TAC3: variants seen among roughly 807,000 people sequenced by gnomAD.
TAC3 encodes tachykinin-3.
TAC3 carries 9 observed loss-of-function variants against 16.5 expected under a neutral mutation model. That is an observed-to-expected ratio of 0.55 (90% CI 0.33 to 0.95). The LOEUF (loss-of-function observed/expected upper bound fraction) is 0.95. Ranked by LOEUF, TAC3 falls within the 40% of genes least tolerant of loss-of-function variation. TAC3 has a pLI of 0.03. For missense variants in TAC3, 129 were observed against 149.1 expected, an observed-to-expected ratio of 0.87 and a Z score of 0.70; for synonymous variants, 52 against 56.7, an observed-to-expected ratio of 0.92 and a Z score of 0.37.
At chr12:57,011,135 GC>G (rs1373889154) in intron 6 of TAC3, among the ~76,000 whole-genome samples, 1 of 152,138 alleles carries the variant, frequency 6.6e-6, no homozygotes, top group Non-Finnish European at 1.5e-5. Context: ...CATGTAATCA[GC>G]AAGTTACAGT....
chr12:57,016,218 C>T (rs1956372101), intron 1 of TAC3, among the ~76,000 whole-genome samples, 169 bp downstream of exon 1: 1 of 152,184 alleles, frequency 6.6e-6, no homozygotes, highest in African/African-American at 2.4e-5. Context: ...AGTCTGTAGC[C>T]ACAGGCTCCA....
chr12:57,013,409 G>A (rs1242494419), intron 3 of TAC3, 21 bp from the exon 4 acceptor site: 1 of 1,614,054 alleles, frequency 6.2e-7, no homozygotes, highest in Non-Finnish European at 8.5e-7. Flanking sequence ...AAGAACAGAT[G>A]TCTAAATGGG....
chr12:57,015,461 C>A (rs1011280832), intron 2 of TAC3, among the ~76,000 whole-genome samples: 1 of 152,164 alleles, frequency 6.6e-6, no homozygotes, highest in Non-Finnish European at 1.5e-5. Flanking sequence ...TGTAGGGCAC[C>A]TTTTATGTAC....
intron 4 of TAC3, 37 bp from the exon 5 acceptor site, chr12:57,012,912 G>A (rs750769857): frequency 6.2e-7 from 1 of 1,613,564 alleles, no homozygotes; most frequent in South Asian, 1.1e-5. Context: ...CAGTGATGAT[G>A]AGAAAGTGAA....
At chr12:57,010,407 G>C (rs1592455290) in intron 6 of TAC3, 119 bp from the exon 7 acceptor site, 2 of 349,498 alleles carry the variant, frequency 5.7e-6, no homozygotes, top group East Asian at 1.5e-4. Context: ...AGGCGTCTGT[G>C]AGAGAGGAAA....
intron 2 of TAC3, among the ~76,000 whole-genome samples, chr12:57,014,240 T>C (rs1344745827): frequency 1.3e-5 from 2 of 152,206 alleles, no homozygotes; most frequent in African/African-American, 2.4e-5. Context: ...TTTTTTTTTT[T>C]TTTAGCAACT....
chr12:57,010,010 A>G lies in TAC3; in HGVS notation c.*280T>C, dbSNP rs1157043476. On this transcript the variant is annotated 3_prime_UTR_variant, in exon 7 of 7. Transcript: ENST00000458521. The stretch of plus-strand genomic sequence containing the variant: ...ACACACACCACATCATTCATATGCA[A>G]AAATCCTTTATTGTTGAGGAATAGA... 2.4e-6 allele frequency: 1 copy of G among 417,602 alleles called. No homozygotes were observed. Among genetic ancestry groups the G allele is most frequent in the Non-Finnish European group, 4.8e-6 (1 of 206,262 alleles). 25.9% of individuals were successfully genotyped at this position (417,602 alleles called of 1,614,324 possible).
chr12:57,012,543 A>G, intron 5 of TAC3, 91 bp from the exon 6 acceptor site: 2 of 1,602,392 alleles, frequency 1.2e-6, no homozygotes, highest in Non-Finnish European at 1.7e-6. Flanking sequence ...TATGACGGGC[A>G]GTGTTCAAAG....
At chr12:57,014,395 C>T (rs915310715) in intron 2 of TAC3, among the ~76,000 whole-genome samples, 9 of 152,174 alleles carry the variant, frequency 5.9e-5, no homozygotes, top group South Asian at 4.1e-4. Context: ...AGGCATCCTT[C>T]GGCTGTTGTG....
intron 4 of TAC3, 102 bp downstream of exon 4, chr12:57,013,257 G>C (rs1956326427): frequency 7.1e-7 from 1 of 1,405,734 alleles, no homozygotes; most frequent in Admixed American, 1.7e-5. Flanking sequence ...CATATTGTTT[G>C]TACCAGGTGA....
chr12:57,012,381 A>G lies in TAC3; in HGVS notation c.364T>C (p.Ter122GlnextTer11). 1 of 1,612,432 alleles carries G rather than the reference A, an allele frequency of 6.2e-7. No individual in the cohort carries two copies. The highest frequency in any genetic ancestry group is 8.5e-7 in the Non-Finnish European group (1 of 1,179,462). ...CTCTCTAATGAACAATCCTTACCCTATTCTGCTCTCGGGGGATACTTGAGG... is the reference window on the plus strand; with the variant it reads ...CTCTCTAATGAACAATCCTTACCCTGTTCTGCTCTCGGGGGATACTTGAGG... Reference protein sequence around the residue: ...GILKYPPRAE* With the variant: ...GILKYPPRAEQ The change falls in exon 6 of 7, where the codon TAG becomes CAG. Residue 122 changes from the stop codon to glutamine (Q), a stop_lost. Transcript: ENST00000458521.
Position 57,013,499 on chromosome 12 carries a change from C to T in TAC3, c.208+79G>A, listed in dbSNP as rs1956330653. 1.2e-5 allele frequency: 19 copies of T among 1,592,296 alleles called. No homozygotes were observed. The South Asian group carries it at 2.0e-4, about 17-fold the overall frequency. ...CACTAAGCTATCCCCCATCTCTCTC[C>T]CATCTGAAAGGATCTCCCAGGCCTC... On this transcript the variant is annotated intron_variant, in intron 3 of 6. Coordinates refer to ENST00000458521, the MANE Select transcript of TAC3 (RefSeq NM_013251.4).
chr12:57,011,367 T>C (rs898629532), intron 6 of TAC3, among the ~76,000 whole-genome samples: 2 of 152,188 alleles, frequency 1.3e-5, no homozygotes, highest in Non-Finnish European at 2.9e-5. Context: ...CCTCTCCTTT[T>C]CACTCCCTCC....
chr12:57,014,009 C>G (rs1310299320), intron 2 of TAC3, among the ~76,000 whole-genome samples: 1 of 152,234 alleles, frequency 6.6e-6, no homozygotes, highest in Non-Finnish European at 1.5e-5. Context: ...TTCCCCCACT[C>G]TGCACGATGT....
At chr12:57,015,498 A>G (rs1169348598) in intron 2 of TAC3, among the ~76,000 whole-genome samples, 186 bp downstream of exon 2, 1 of 152,254 alleles carries the variant, frequency 6.6e-6, no homozygotes, top group Non-Finnish European at 1.5e-5. Context: ...GCAGAGATAC[A>G]GAGACACAAA....
chr12:57,014,348 A>C (rs1340705498), intron 2 of TAC3, among the ~76,000 whole-genome samples: 2 of 152,134 alleles, frequency 1.3e-5, no homozygotes, highest in African/African-American at 2.4e-5. Flanking sequence ...TTCATCTCAA[A>C]TCTCAAGTCT....
intron 5 of TAC3, 143 bp from the exon 6 acceptor site, chr12:57,012,595 C>T: frequency 6.2e-7 from 1 of 1,610,926 alleles, no homozygotes. Flanking sequence ...TCTCCCTATC[C>T]TTCCTCCCAG....
Position 57,016,390 on chromosome 12 carries a change from T to C in TAC3, c.-9A>G, listed in dbSNP as rs1289660269. ...CAGCATTCTCCCACTTGCCTACCTG[T>C]GGAGCAGCTCTGTGCCGGGGGCTGG... On this transcript the variant is annotated 5_prime_UTR_variant, in exon 1 of 7. Transcript: ENST00000458521. The C allele has an allele frequency of 2.2e-6, 1 of 445,960 alleles. No individual in the cohort carries two copies. The highest frequency in any genetic ancestry group is 4.5e-6 in the Non-Finnish European group (1 of 220,218). The allele number at this position is 445,960 out of a possible 1,614,324, so 27.6% of individuals were successfully genotyped here. A position where few individuals can be genotyped will look rare whatever the true frequency, so the allele number is the denominator to read the frequency against.
intron 6 of TAC3, among the ~76,000 whole-genome samples, chr12:57,011,286 G>GT (rs1241096846): frequency 6.6e-6 from 1 of 152,178 alleles, no homozygotes; most frequent in Non-Finnish European, 1.5e-5. Context: ...AGACCAGTGA[G>GT]TATGGGTAAC....
Sources: allele counts gnomAD v4.1 joint callset (sites outside exome capture counted in the v4.1 genomes callset), GRCh38; gene constraint gnomAD v4.1.1; transcripts MANE v1.5; gene names NCBI Gene and HGNC (gene_info 2026-07-23, HGNC 2026-07-21).